Variants in GPC6 observed in about 807,000 individuals in gnomAD.
GPC6 encodes glypican 6, also known as glypican-6.
In GPC6, 14 loss-of-function variants were observed where a neutral mutation model predicts 55.2. That is an observed-to-expected ratio of 0.25 (90% CI 0.17 to 0.40). The LOEUF (loss-of-function observed/expected upper bound fraction) is 0.40, where lower values mean the gene tolerates loss of function less well. Ranked by LOEUF, GPC6 falls within the 10% of genes least tolerant of loss-of-function variation. The pLI is 1.00. For missense variants in GPC6, 641 were observed against 708.5 expected, an observed-to-expected ratio of 0.90 and a Z score of 1.08; for synonymous variants, 278 against 259.6, an observed-to-expected ratio of 1.07 and a Z score of -0.68.
chr13:93,830,612 T>TAAAAAAAAA, intron 3 of GPC6, 67 bp downstream of exon 3: 2 of 326,102 alleles, frequency 6.1e-6, no homozygotes, highest in South Asian at 5.9e-5. Flanking sequence ...AACCAATGTT[T>TAAAAAAAAA]AAAAAAAAAA....
At chr13:93,536,521 T>A (rs949252803) in intron 1 of GPC6, among the ~76,000 whole-genome samples, 1 of 152,176 alleles carries the variant, frequency 6.6e-6, no homozygotes, top group Admixed American at 6.5e-5. Context: ...TTATTTTGCT[T>A]AACATAATGT....
intron 1 of GPC6, among the ~76,000 whole-genome samples, chr13:93,256,544 A>T (rs1252701867): frequency 6.6e-6 from 1 of 152,220 alleles, no homozygotes; most frequent in African/African-American, 2.4e-5. Flanking sequence ...ATCCTGGCAT[A>T]GCCCTCAGTG....
intron 2 of GPC6, among the ~76,000 whole-genome samples, chr13:93,802,815 A>AGTCC (rs1886420599): frequency 2.6e-5 from 4 of 152,198 alleles, no homozygotes; most frequent in Non-Finnish European, 5.9e-5. Context: ...AGACTAGAGA[A>AGTCC]ACACCTGAGA....
At chr13:94,088,428 C>T (rs184402789) in intron 4 of GPC6, among the ~76,000 whole-genome samples, 4 of 151,990 alleles carry the variant, frequency 2.6e-5, no homozygotes, top group South Asian at 2.1e-4. Flanking sequence ...GGCTCACACC[C>T]GTAATATCCT....
chr13:93,873,481 C>T (rs899044698), intron 3 of GPC6, among the ~76,000 whole-genome samples: 1 of 151,788 alleles, frequency 6.6e-6, no homozygotes, highest in Non-Finnish European at 1.5e-5. Context: ...TTATATTTGA[C>T]AATATCTGGA....
intron 3 of GPC6, among the ~76,000 whole-genome samples, chr13:93,861,087 C>G (rs551699785): frequency 6.6e-6 from 1 of 151,200 alleles, no homozygotes; most frequent in African/African-American, 2.4e-5. Context: ...TGAGGATTAA[C>G]AGAGTAGATC....
intron 6 of GPC6, among the ~76,000 whole-genome samples, chr13:94,357,625 A>G (rs1444155819): frequency 6.6e-6 from 1 of 152,158 alleles, no homozygotes; most frequent in Admixed American, 6.5e-5. Flanking sequence ...TCACAGCCCT[A>G]AGGTACCACC....
intron 2 of GPC6, among the ~76,000 whole-genome samples, chr13:93,770,708 C>T (rs1885263007): frequency 6.6e-6 from 1 of 152,142 alleles, no homozygotes; most frequent in Non-Finnish European, 1.5e-5. Context: ...GACCCAGCAA[C>T]TGCTTTTTGA....
intron 2 of GPC6, among the ~76,000 whole-genome samples, chr13:93,672,608 T>A (rs1026849339): frequency 3.3e-5 from 5 of 151,774 alleles, no homozygotes; most frequent in African/African-American, 1.2e-4. Context: ...TGAATTGGAC[T>A]TCTTTCAAAT....
At chr13:94,159,925 A>G (rs370891870) in intron 4 of GPC6, among the ~76,000 whole-genome samples, 1 of 152,174 alleles carries the variant, frequency 6.6e-6, no homozygotes, top group African/African-American at 2.4e-5. Flanking sequence ...GTGCTGTCTT[A>G]TATCTCATCC....
chr13:93,755,350 C>CA (rs1474226411), intron 2 of GPC6, among the ~76,000 whole-genome samples: 1 of 152,012 alleles, frequency 6.6e-6, no homozygotes, highest in Non-Finnish European at 1.5e-5. Context: ...GCCCCCACTG[C>CA]AAAAAAATCC....
chr13:94,020,537 G>A lies in GPC6; in HGVS notation c.712-7192G>A, dbSNP rs140073061. Among the ~76,000 whole-genome samples, 211 of 152,132 alleles carry A rather than the reference G, an allele frequency of 1.4e-3. 1 individual carries two copies. Among genetic ancestry groups the A allele is most frequent in the African/African-American group, 4.1e-3 (171 of 41,508 alleles). ...TAGTTTTGCTCTTTTCTTCAGTGGC[G>A]GGACTAATTATTGGCACTGTGTCTG... On this transcript the variant is annotated intron_variant, in intron 3 of 8. Transcript: ENST00000377047.
chr13:93,496,130 C>T (rs1263629292), intron 1 of GPC6, among the ~76,000 whole-genome samples: 1 of 152,126 alleles, frequency 6.6e-6, no homozygotes. Context: ...AGCCTTGCTG[C>T]CTCCTTGCAG....
At chr13:94,193,773 C>A (rs1419334748) in intron 4 of GPC6, among the ~76,000 whole-genome samples, 17 of 152,136 alleles carry the variant, frequency 1.1e-4, no homozygotes, top group Non-Finnish European at 1.5e-5. Context: ...TAAATCTAGA[C>A]CCCTTATCTC....
At chr13:93,592,014 A>C (rs1321606702) in intron 2 of GPC6, among the ~76,000 whole-genome samples, 1 of 152,188 alleles carries the variant, frequency 6.6e-6, no homozygotes, top group Non-Finnish European at 1.5e-5. Flanking sequence ...ATAAGGAAGC[A>C]GTATATTTTT....
chr13:93,849,463 A>G (rs1262863085), intron 3 of GPC6, among the ~76,000 whole-genome samples: 1 of 152,130 alleles, frequency 6.6e-6, no homozygotes, highest in Non-Finnish European at 1.5e-5. Context: ...TGAATGAAAG[A>G]TGAATGACTG....
At chr13:93,624,584 G>A (rs1338985055) in intron 2 of GPC6, among the ~76,000 whole-genome samples, 2 of 152,236 alleles carry the variant, frequency 1.3e-5, no homozygotes, top group Admixed American at 6.5e-5. Flanking sequence ...TTTAGAAAAC[G>A]AAACAAAATA....
intron 2 of GPC6, among the ~76,000 whole-genome samples, chr13:93,564,462 A>G (rs1372830346): frequency 6.6e-6 from 1 of 152,164 alleles, no homozygotes; most frequent in Non-Finnish European, 1.5e-5. Flanking sequence ...TGAATTACCT[A>G]TTAAAATATT....
chr13:93,885,830 G>C (rs1033152303), intron 3 of GPC6, among the ~76,000 whole-genome samples: 1 of 151,836 alleles, frequency 6.6e-6, no homozygotes, highest in African/African-American at 2.4e-5. Flanking sequence ...TCTTTTAACA[G>C]TAAGTAAAAT....
Sources: gnomAD v4.1 joint callset for allele counts (sites outside exome capture counted in the v4.1 genomes callset) on GRCh38, gnomAD v4.1.1 for gene constraint, MANE v1.5 for transcripts, NCBI Gene and HGNC (gene_info 2026-07-23, HGNC 2026-07-21) for gene names.